SIPA1L2: variants seen among roughly 807,000 people sequenced by gnomAD.
The protein encoded by SIPA1L2 is signal-induced proliferation-associated 1-like protein 2.
Under a neutral mutation model 163.9 loss-of-function variants are expected in SIPA1L2, and 56 were observed. The observed-to-expected ratio is 0.34, with a 90% CI of 0.28 to 0.43. SIPA1L2 has a LOEUF of 0.43. Ranked by LOEUF, SIPA1L2 falls within the 20% of genes least tolerant of loss-of-function variation. SIPA1L2 has a pLI of 1.00. For synonymous variants in SIPA1L2, 877 were observed against 865.7 expected (o/e 1.01, Z -0.23); for missense variants, 1,974 against 2,193.5 (o/e 0.90, Z 2.00).
rs779908157 is a variant in SIPA1L2, at chr1:232,515,257, A to G, written c.83T>C (p.Met28Thr). 2 of 1,613,998 alleles carry G rather than the reference A, an allele frequency of 1.2e-6. No homozygotes were observed. The highest frequency in any genetic ancestry group is 1.3e-5 in the African/African-American group (1 of 74,914). ...SSKFKDPPRI[M>T]QSDDYFARKF... ...CCGAGCAAAATAATCATCTGACTGC[A>G]TGATTCTAGGGGGATCCTTGAACTT... Residue 28 changes from methionine (M) to threonine (T), a missense_variant, in exon 3 of 23, where the codon ATG (methionine) becomes ACG (threonine). Met to Thr is a moderately conservative substitution (Grantham distance 81). Transcript: ENST00000674635.
chr1:232,603,363 T>C (rs530825893), intron 1 of SIPA1L2, among the ~76,000 whole-genome samples: 37 of 152,132 alleles, frequency 2.4e-4, no homozygotes, highest in Admixed American at 1.2e-3. Context: ...TGATCGATCA[T>C]GCAAAGTGAC....
intron 10 of SIPA1L2, among the ~76,000 whole-genome samples, chr1:232,457,599 T>C (rs1044731601): frequency 3.9e-5 from 6 of 152,344 alleles, no homozygotes; most frequent in South Asian, 4.1e-4. Context: ...GTCAAATGTA[T>C]AGCTTTAGCT....
intron 2 of SIPA1L2, among the ~76,000 whole-genome samples, chr1:232,517,373 A>G (rs2103051870): frequency 6.6e-6 from 1 of 152,332 alleles, no homozygotes; most frequent in African/African-American, 2.4e-5. Context: ...TAACAGACTG[A>G]CCACCTTGGG....
At chr1:232,605,392 C>A (rs1274091672) in intron 1 of SIPA1L2, among the ~76,000 whole-genome samples, 2 of 152,182 alleles carry the variant, frequency 1.3e-5, no homozygotes, top group Non-Finnish European at 2.9e-5. Flanking sequence ...GTTCAAAAGA[C>A]ACTGAATAGA....
At chr1:232,615,039 C>G (rs1199066881) in intron 1 of SIPA1L2, among the ~76,000 whole-genome samples, 1 of 152,192 alleles carries the variant, frequency 6.6e-6, no homozygotes, top group African/African-American at 2.4e-5. Context: ...TCATAGTACA[C>G]TGTGGATGTT....
chr1:232,399,359 T>C lies in SIPA1L2; in HGVS notation c.5023-86A>G, dbSNP rs1660196274. 9.2e-6 allele frequency: 13 copies of C among 1,419,282 alleles called. No homozygotes were observed. In the South Asian group the frequency reaches 1.6e-4, roughly 17 times the overall value. 87.9% of individuals were successfully genotyped at this position (1,419,282 alleles called of 1,614,324 possible). A position where few individuals can be genotyped will look rare whatever the true frequency, so the allele number is the denominator to read the frequency against. On this transcript the variant is annotated intron_variant, in intron 22 of 22. Transcript: ENST00000674635. ...GCTGGGCTACGAGAATCTTTGATTC[T>C]TATTTTTACTTATGTACTTTTTGAG...
intron 5 of SIPA1L2, among the ~76,000 whole-genome samples, chr1:232,488,788 T>A (rs1446427935): frequency 6.6e-6 from 1 of 152,210 alleles, no homozygotes; most frequent in African/African-American, 2.4e-5. Flanking sequence ...TCTATCTGAC[T>A]ACAAAGACAT....
At chr1:232,508,046 C>G (rs1263616479) in intron 3 of SIPA1L2, among the ~76,000 whole-genome samples, 2 of 152,150 alleles carry the variant, frequency 1.3e-5, no homozygotes, top group Non-Finnish European at 2.9e-5. Context: ...CATTTATATA[C>G]CATTTAAAAA....
chr1:232,404,096 G>A, intron 20 of SIPA1L2, 29 bp downstream of exon 20: 1 of 1,613,704 alleles, frequency 6.2e-7, no homozygotes, highest in Non-Finnish European at 8.5e-7. Context: ...CAGGATATCA[G>A]GAGCCAACGA....
chr1:232,514,192 C>T lies in SIPA1L2; in HGVS notation c.1148G>A (p.Ser383Asn). 4 of 1,614,224 alleles carry T rather than the reference C, an allele frequency of 2.5e-6. No homozygotes were observed. The highest frequency in any genetic ancestry group is 2.5e-6 in the Non-Finnish European group (3 of 1,180,038). The change falls in exon 3 of 23, where the codon AGC (serine) becomes AAC (asparagine). Residue 383 changes from serine (S) to asparagine (N), a missense_variant. Physicochemically the swap from Ser to Asn is conservative, Grantham distance 46. This residue lies in a region of SIPA1L2 where 607 missense variants were observed against 624.0 expected (regional missense o/e 0.97). Coordinates refer to ENST00000674635, the MANE Select transcript of SIPA1L2 (RefSeq NM_020808.5). ...CTCTTTGGAGTTGAGGTCCTCCTTGCTCCCTAAAGGGGACTCACAGTTGCC... is the reference window on the plus strand; with the variant it reads ...CTCTTTGGAGTTGAGGTCCTCCTTGTTCCCTAAAGGGGACTCACAGTTGCC... The part of the protein sequence containing the change: ...QTGNCESPLG[S>N]KEDLNSKENL...
chr1:232,553,132 G>C (rs551981606), intron 2 of SIPA1L2, among the ~76,000 whole-genome samples: 28 of 152,330 alleles, frequency 1.8e-4, no homozygotes, highest in African/African-American at 6.7e-4. Flanking sequence ...CCGAGTGGTG[G>C]AGGTGGCTCT....
At chr1:232,424,806 A>G (rs1301548064) in intron 18 of SIPA1L2, among the ~76,000 whole-genome samples, 1 of 152,222 alleles carries the variant, frequency 6.6e-6, no homozygotes, top group African/African-American at 2.4e-5. Flanking sequence ...AATTGGTTCT[A>G]AAGATATTTT....
At chr1:232,613,050 G>A (rs1337630152) in intron 1 of SIPA1L2, among the ~76,000 whole-genome samples, 2 of 152,066 alleles carry the variant, frequency 1.3e-5, no homozygotes, top group Non-Finnish European at 2.9e-5. Flanking sequence ...AAGTGTTTCC[G>A]CTTTTACATC....
At chr1:232,414,529 A>C (rs1232698331) in intron 19 of SIPA1L2, among the ~76,000 whole-genome samples, 1 of 152,108 alleles carries the variant, frequency 6.6e-6, no homozygotes, top group Non-Finnish European at 1.5e-5. Flanking sequence ...AGAAATGGGG[A>C]GTGAGAAAGA....
chr1:232,406,009 G>T (rs1228839928), intron 19 of SIPA1L2, among the ~76,000 whole-genome samples: 1 of 152,172 alleles, frequency 6.6e-6, no homozygotes, highest in Non-Finnish European at 1.5e-5. Context: ...TGCCAGCAAT[G>T]TAATTTCACA....
At chr1:232,471,721 T>C (rs1208438509) in intron 7 of SIPA1L2, among the ~76,000 whole-genome samples, 193 bp from the exon 8 acceptor site, 1 of 152,204 alleles carries the variant, frequency 6.6e-6, no homozygotes, top group African/African-American at 2.4e-5. Flanking sequence ...AAGAAAAGCC[T>C]AAATATTTAA....
chr1:232,431,286 C>T (rs1662223824), intron 16 of SIPA1L2, among the ~76,000 whole-genome samples: 1 of 152,158 alleles, frequency 6.6e-6, no homozygotes, highest in Non-Finnish European at 1.5e-5. Flanking sequence ...TATGAAATTC[C>T]TTCCTAAATA....
At chr1:232,492,121 C>T (rs188047208) in intron 4 of SIPA1L2, among the ~76,000 whole-genome samples, 23 of 152,118 alleles carry the variant, frequency 1.5e-4, no homozygotes, top group Non-Finnish European at 2.9e-4. Flanking sequence ...CTCACTTATA[C>T]CTAGAATAGA....
At chr1:232,541,934 A>AT (rs1657707719) in intron 2 of SIPA1L2, among the ~76,000 whole-genome samples, 1 of 90,656 alleles carries the variant, frequency 1.1e-5, no homozygotes, top group African/African-American at 5.6e-5. Flanking sequence ...CTGAGCCTTA[A>AT]ATCTCTCTCT....
Sources: allele counts gnomAD v4.1 joint callset (sites outside exome capture counted in the v4.1 genomes callset), GRCh38; gene constraint gnomAD v4.1.1; regional missense constraint gnomAD v4.1.1; transcripts MANE v1.5; gene names NCBI Gene and HGNC (gene_info 2026-07-23, HGNC 2026-07-21).